EPS8: variants seen among roughly 807,000 people sequenced by gnomAD.
The protein encoded by EPS8 is EGFR pathway substrate 8, signaling adaptor, also known as epidermal growth factor receptor kinase substrate 8.
EPS8 carries 42 observed loss-of-function variants against 103.8 expected under a neutral mutation model. The observed-to-expected ratio is 0.40, with a 90% confidence interval of 0.32 to 0.52. EPS8 has a LOEUF of 0.52. Among genes scored for constraint, EPS8 ranks in the 20% least tolerant of loss-of-function variants. The probability of loss-of-function intolerance (pLI) is 0.40; values close to 1 mark genes in which losing one functional copy is unlikely to be tolerated. For synonymous variants in EPS8, 344 were observed against 344.6 expected, an observed-to-expected ratio of 1.00 and a Z score of 0.02; for missense variants, 969 against 1,005.1, an observed-to-expected ratio of 0.96 and a Z score of 0.49.
At chr12:15,663,960 T>TAATA (rs1945661634) in intron 8 of EPS8, among the ~76,000 whole-genome samples, 1 of 52,352 alleles carries the variant, frequency 1.9e-5, no homozygotes, top group African/African-American at 4.5e-5. Context: ...TATATATATA[T>TAATA]ATATATATAT....
intron 13 of EPS8, among the ~76,000 whole-genome samples, chr12:15,653,770 T>TA (rs1460117341): frequency 2.2e-4 from 33 of 152,338 alleles, no homozygotes; most frequent in Non-Finnish European, 4.3e-4. Context: ...AGTAGTTCTG[T>TA]AAAGTGCATG....
rs1946661360 is a variant in EPS8 at position 15,727,067 on chromosome 12, G to A, written c.-21-44095C>T. ...GTTCAGTGAGTGGTATTTTTTCAAG[G>A]TCTGAAACTCACTAGCTCTCTGAAA... On this transcript the variant is annotated intron_variant, in intron 1 of 20. Coordinates refer to ENST00000281172, the MANE Select transcript of EPS8 (RefSeq NM_004447.6). This position sits in a 1 kb window ranked among gnomAD's most constrained non-coding sequence, Gnocchi z 4.3. 6.6e-6 allele frequency among the ~76,000 whole-genome samples: 1 copy of A among 152,106 alleles called. No homozygotes were observed. Among genetic ancestry groups the A allele is most frequent in the Non-Finnish European group, 1.5e-5 (1 of 68,016 alleles).
chr12:15,755,321 T>C (rs1337049624), intron 1 of EPS8, among the ~76,000 whole-genome samples: 1 of 152,108 alleles, frequency 6.6e-6, no homozygotes, highest in African/African-American at 2.4e-5. Context: ...ACCTATATAT[T>C]CAACAGATTA....
chr12:15,786,190 A>C (rs1947309171), intron 1 of EPS8, among the ~76,000 whole-genome samples: 1 of 152,128 alleles, frequency 6.6e-6, no homozygotes, highest in South Asian at 2.1e-4. Context: ...TGAGTATCAC[A>C]GTGACAAATC....
rs149577367 is a variant in EPS8 at position 15,742,075 on chromosome 12, G to C, written c.-22+47086C>G. ...TTTTTATGGCTGCATAGTATTCCAT[G>C]GTGTATATGTGCCACATTTTCTTAA... On this transcript the variant is annotated intron_variant, in intron 1 of 20. Transcript: ENST00000281172. Among the ~76,000 whole-genome samples, 1,222 of 152,240 alleles carry C rather than the reference G, an allele frequency of 8.0e-3. 8 individuals carry two copies. Among genetic ancestry groups the C allele is most frequent in the Non-Finnish European group, 0.011 (731 of 68,010 alleles).
rs146593779 is a variant in EPS8 at position 15,759,913 on chromosome 12, G to T, written c.-22+29248C>A. ...CAATGCATCTTAAAGAACTAGAAAA[G>T]CAAGAGCAAACCAAACCCAAAATTC... On this transcript the variant is annotated intron_variant, in intron 1 of 20. Transcript: ENST00000281172. This position sits in a 1 kb window ranked among gnomAD's most constrained non-coding sequence, Gnocchi z 4.9. Among the ~76,000 whole-genome samples, 1 of 151,486 alleles carries T rather than the reference G, an allele frequency of 6.6e-6. No homozygotes were observed. The highest frequency in any genetic ancestry group is 1.5e-5 in the Non-Finnish European group (1 of 67,746).
Position 15,777,497 on chromosome 12 carries a change from A to T in EPS8, c.-22+11664T>A, listed in dbSNP as rs775268223. On this transcript the variant is annotated intron_variant, in intron 1 of 20. Coordinates refer to ENST00000281172, the MANE Select transcript of EPS8 (RefSeq NM_004447.6). This position sits in a 1 kb window ranked among gnomAD's most constrained non-coding sequence, Gnocchi z 4.7. ...TCCAAAATCACTTACTTAGTACCCAAATAAGGTAAAGGCGATGAAGGCTTC... is the reference window on the plus strand; with the variant it reads ...TCCAAAATCACTTACTTAGTACCCATATAAGGTAAAGGCGATGAAGGCTTC... Among the ~76,000 whole-genome samples, 4 of 152,130 alleles carry T rather than the reference A, an allele frequency of 2.6e-5. No individual in the cohort carries two copies. Among genetic ancestry groups the T allele is most frequent in the Non-Finnish European group, 5.9e-5 (4 of 68,002 alleles).
At chr12:15,629,302 A>C (rs1455016733) in intron 18 of EPS8, among the ~76,000 whole-genome samples, 1 of 152,186 alleles carries the variant, frequency 6.6e-6, no homozygotes, top group Non-Finnish European at 1.5e-5. Flanking sequence ...ACTGCTCCAA[A>C]TGGGGACTGG....
chr12:15,648,130 G>A (rs537008860), intron 14 of EPS8, among the ~76,000 whole-genome samples: 71 of 152,336 alleles, frequency 4.7e-4, no homozygotes, highest in Admixed American at 8.5e-4. Context: ...GTGAGGCACA[G>A]TTTCCAACAG....
At chr12:15,708,742 C>G (rs1419792964) in intron 1 of EPS8, among the ~76,000 whole-genome samples, 1 of 152,186 alleles carries the variant, frequency 6.6e-6, no homozygotes, top group African/African-American at 2.4e-5. Context: ...TCAAAACAAT[C>G]ATTACAGCAG....
At chr12:15,743,638 C>T (rs1305559102) in intron 1 of EPS8, among the ~76,000 whole-genome samples, 1 of 152,116 alleles carries the variant, frequency 6.6e-6, no homozygotes, top group Non-Finnish European at 1.5e-5. Context: ...CTTTGACAAA[C>T]CTGACAAAAA....
chr12:15,654,922 G>A (rs1260599722), intron 12 of EPS8, among the ~76,000 whole-genome samples: 1 of 152,104 alleles, frequency 6.6e-6, no homozygotes, highest in Non-Finnish European at 1.5e-5. Context: ...TCTCTGATAA[G>A]CAAAATGAGG....
In EPS8 at chr12:15,764,068, A is replaced by G. The variant is rs1278583276; in HGVS notation, c.-22+25093T>C. ...TTATAAAGGAAAAGAGGTTTAATGG[A>G]CTCACAGTTCCACATGGCTAGGGAG... On this transcript the variant is annotated intron_variant, in intron 1 of 20. Transcript: ENST00000281172. The surrounding 1 kb of genome is among the most constrained non-coding windows in gnomAD (Gnocchi z 4.1). Among the ~76,000 whole-genome samples, 1 of 152,176 alleles carries G rather than the reference A, an allele frequency of 6.6e-6. No homozygotes were observed. Among genetic ancestry groups the G allele is most frequent in the Non-Finnish European group, 1.5e-5 (1 of 68,030 alleles).
At chr12:15,743,909 A>AT in intron 1 of EPS8, among the ~76,000 whole-genome samples, 1 of 152,308 alleles carries the variant, frequency 6.6e-6, no homozygotes, top group East Asian at 1.9e-4. Context: ...AAATTGACAA[A>AT]TGGGATCTAA....
intron 1 of EPS8, among the ~76,000 whole-genome samples, chr12:15,707,048 G>C (rs182252429): frequency 6.6e-6 from 1 of 152,262 alleles, no homozygotes; most frequent in Admixed American, 6.5e-5. Context: ...TATAGCAAAA[G>C]AGCAGGCTAA....
At chr12:15,710,934 T>C (rs533134477) in intron 1 of EPS8, among the ~76,000 whole-genome samples, 4 of 152,192 alleles carry the variant, frequency 2.6e-5, no homozygotes, top group Non-Finnish European at 5.9e-5. Flanking sequence ...AATGGCACAA[T>C]CACAGCTCAT....
At chr12:15,722,135 T>C (rs1414500333) in intron 1 of EPS8, among the ~76,000 whole-genome samples, 2 of 150,794 alleles carry the variant, frequency 1.3e-5, no homozygotes, top group Admixed American at 6.6e-5. Flanking sequence ...TGGGCTACAA[T>C]GGAAGAAGAA....
chr12:15,640,573 T>A, intron 17 of EPS8, 130 bp downstream of exon 17: 1 of 692,540 alleles, frequency 1.4e-6, no homozygotes, highest in Non-Finnish European at 2.2e-6. Flanking sequence ...CCCCCACCAA[T>A]TACTCTAGAA....
intron 4 of EPS8, 125 bp from the exon 5 acceptor site, chr12:15,669,950 G>A (rs893329473): frequency 2.5e-5 from 16 of 634,394 alleles, no homozygotes; most frequent in Non-Finnish European, 3.5e-5. Context: ...CAAACACAAA[G>A]TACTCTTAAA....
Sources: allele counts gnomAD v4.1 joint callset (sites outside exome capture counted in the v4.1 genomes callset), GRCh38; gene constraint gnomAD v4.1.1; non-coding constraint Gnocchi (gnomAD v3.1); transcripts MANE v1.5; gene names NCBI Gene and HGNC (gene_info 2026-07-23, HGNC 2026-07-21).